Variants in PARD3 observed in about 807,000 individuals in gnomAD.
The protein encoded by PARD3 is partitioning defective 3 homolog.
PARD3 carries 75 observed loss-of-function variants against 155.4 expected under a neutral mutation model. That is an observed-to-expected ratio of 0.48 (90% confidence interval 0.40 to 0.58). PARD3 has a LOEUF of 0.58. Among genes scored for constraint, PARD3 ranks in the 20% least tolerant of loss-of-function variants. The pLI is 0.00. For synonymous variants in PARD3, 576 were observed against 610.5 expected (o/e 0.94, Z 0.83); for missense variants, 1,642 against 1,721.7 (o/e 0.95, Z 0.82).
intron 5 of PARD3, among the ~76,000 whole-genome samples, chr10:34,407,102 C>T (rs943276789): frequency 4.6e-5 from 7 of 152,160 alleles, no homozygotes; most frequent in African/African-American, 1.7e-4. Context: ...TCAGAGCAGA[C>T]ATTTAGGGAG....
intron 1 of PARD3, among the ~76,000 whole-genome samples, chr10:34,717,960 C>CATGT (rs1180066982): frequency 6.6e-6 from 1 of 151,864 alleles, no homozygotes; most frequent in Non-Finnish European, 1.5e-5. Context: ...TCGAGACCAC[C>CATGT]CTGGGCAACA....
intron 4 of PARD3, among the ~76,000 whole-genome samples, chr10:34,455,149 T>A (rs1444759007): frequency 6.6e-6 from 1 of 152,178 alleles, no homozygotes. Context: ...CATAAACATT[T>A]CTGTGTTGGC....
At chr10:34,337,551 T>C (rs1836323737) in intron 16 of PARD3, 125 bp from the exon 17 acceptor site, 2 of 441,964 alleles carry the variant, frequency 4.5e-6, no homozygotes. Context: ...AAAATTCAAC[T>C]AAATAATACA....
intron 22 of PARD3, among the ~76,000 whole-genome samples, chr10:34,160,186 G>A (rs1314578301): frequency 6.6e-6 from 1 of 152,304 alleles, no homozygotes; most frequent in South Asian, 2.1e-4. Flanking sequence ...GAACCATAAA[G>A]TAAGGTTCAG....
intron 2 of PARD3, among the ~76,000 whole-genome samples, chr10:34,533,080 C>A (rs1339971281): frequency 6.6e-6 from 1 of 152,046 alleles, no homozygotes; most frequent in Non-Finnish European, 1.5e-5. Context: ...CGTATCTAAC[C>A]AAAGAAAAAG....
chr10:34,302,040 AC>A (rs1442992291), intron 20 of PARD3, among the ~76,000 whole-genome samples: 2 of 151,920 alleles, frequency 1.3e-5, no homozygotes, highest in Admixed American at 1.3e-4. Flanking sequence ...AACACTGTAA[AC>A]TTTATCAAGC....
At chr10:34,606,965 T>TAAAACAA (rs2090513093) in intron 2 of PARD3, among the ~76,000 whole-genome samples, 2 of 114,824 alleles carry the variant, frequency 1.7e-5, no homozygotes, top group South Asian at 6.3e-4. Context: ...GACTCTGTCT[T>TAAAACAA]AAAAAAAAAA....
intron 3 of PARD3, among the ~76,000 whole-genome samples, chr10:34,506,553 T>C (rs1487082989): frequency 6.6e-6 from 1 of 152,180 alleles, no homozygotes; most frequent in Non-Finnish European, 1.5e-5. Context: ...CAAGCAGATA[T>C]AAATGACATG....
chr10:34,559,990 T>G (rs1328709202), intron 2 of PARD3, among the ~76,000 whole-genome samples: 1 of 152,174 alleles, frequency 6.6e-6, no homozygotes, highest in East Asian at 1.9e-4. Flanking sequence ...AGCCAAACAT[T>G]TTAAAAGTTT....
At chr10:34,278,733 T>A (rs1327752111) in intron 21 of PARD3, among the ~76,000 whole-genome samples, 1 of 152,182 alleles carries the variant, frequency 6.6e-6, no homozygotes, top group South Asian at 2.1e-4. Flanking sequence ...ACTGAGTCAA[T>A]TAGACCTCTT....
At chr10:34,539,197 C>T (rs1255927326) in intron 2 of PARD3, among the ~76,000 whole-genome samples, 2 of 152,130 alleles carry the variant, frequency 1.3e-5, no homozygotes, top group African/African-American at 2.4e-5. Context: ...TAACATCCAG[C>T]CATAATGATT....
At chr10:34,447,480 C>CCAAA (rs2076802921) in intron 5 of PARD3, among the ~76,000 whole-genome samples, 1 of 37,196 alleles carries the variant, frequency 2.7e-5, no homozygotes, top group Non-Finnish European at 4.9e-5. Context: ...GACTGCGTCT[C>CCAAA]AAAAAAAAAA....
chr10:34,425,353 C>T (rs1002756724), intron 5 of PARD3, among the ~76,000 whole-genome samples: 4 of 152,136 alleles, frequency 2.6e-5, no homozygotes, highest in Admixed American at 1.3e-4. Context: ...CTATGCACCC[C>T]GGCCACTAAC....
At chr10:34,630,669 C>G (rs1480126079) in intron 2 of PARD3, among the ~76,000 whole-genome samples, 1 of 151,788 alleles carries the variant, frequency 6.6e-6, no homozygotes, top group Non-Finnish European at 1.5e-5. Context: ...GTCTCAAACT[C>G]CTGAGCTCAA....
chr10:34,316,588 G>C (rs1464757242), intron 20 of PARD3, among the ~76,000 whole-genome samples: 1 of 152,090 alleles, frequency 6.6e-6, no homozygotes, highest in Non-Finnish European at 1.5e-5. Context: ...ACTAACTTGA[G>C]CTCTATGTTT....
chr10:34,165,781 C>A (rs1413723702), intron 22 of PARD3, among the ~76,000 whole-genome samples: 1 of 152,152 alleles, frequency 6.6e-6, no homozygotes, highest in Non-Finnish European at 1.5e-5. Context: ...TCTTTTACAT[C>A]TCTTTGTTTG....
intron 1 of PARD3, among the ~76,000 whole-genome samples, chr10:34,777,612 C>A (rs942526701): frequency 1.3e-5 from 2 of 152,140 alleles, no homozygotes; most frequent in East Asian, 3.9e-4. Flanking sequence ...ATCGCTGCAG[C>A]CTCAAACTCT....
intron 20 of PARD3, among the ~76,000 whole-genome samples, chr10:34,295,019 T>C (rs1262479592): frequency 6.6e-6 from 1 of 151,898 alleles, no homozygotes; most frequent in Non-Finnish European, 1.5e-5. Context: ...ATGGGCAACA[T>C]AGTGACACCC....
intron 2 of PARD3, among the ~76,000 whole-genome samples, chr10:34,538,978 GT>G (rs2083415404): frequency 6.6e-6 from 1 of 152,144 alleles, no homozygotes; most frequent in African/African-American, 2.4e-5. Context: ...TTTTTCATAA[GT>G]TTGTTAGAAG....
Sources: allele counts gnomAD v4.1 joint callset (sites outside exome capture counted in the v4.1 genomes callset), GRCh38; gene constraint gnomAD v4.1.1; transcripts MANE v1.5; gene names NCBI Gene and HGNC (gene_info 2026-07-23, HGNC 2026-07-21).